Variants in CDKL3 observed in about 807,000 individuals in gnomAD.
CDKL3 encodes cyclin dependent kinase like 3.
In CDKL3, 65 loss-of-function variants were observed where a neutral mutation model predicts 69.3. That is an observed-to-expected ratio of 0.94 (90% CI 0.77 to 1.15). CDKL3 has a LOEUF of 1.15. Ranked by LOEUF, CDKL3 falls within the 50% of genes most tolerant of loss-of-function variation. The pLI is 0.00. For synonymous variants in CDKL3, 202 were observed against 221.6 expected, an observed-to-expected ratio of 0.91 and a Z score of 0.79; for missense variants, 652 against 689.2, an observed-to-expected ratio of 0.95 and a Z score of 0.61.
At position 134,308,525 on chromosome 5, in the gene CDKL3, C is replaced by A. The variant is rs374947655; in HGVS notation, c.1035+49G>T. ...TAACAGTTATTTTTGTCATTAGAGT[C>A]TAACTATAATATAATTATACTGGCT... On this transcript the variant is annotated intron_variant, in intron 8 of 12. Coordinates refer to ENST00000265334, the MANE Select transcript of CDKL3 (RefSeq NM_001113575.2). 1.8e-3 allele frequency: 2,837 copies of A among 1,549,672 alleles called. 9 individuals are homozygous for A. The highest frequency in any genetic ancestry group is 2.3e-3 in the Non-Finnish European group (2,608 of 1,152,222).
chr5:134,306,786 ACT>A (rs1340218527), intron 9 of CDKL3, 84 bp from the exon 10 acceptor site: 9 of 696,074 alleles, frequency 1.3e-5, no homozygotes, highest in Non-Finnish European at 1.5e-5. Flanking sequence ...GCAGATTCTC[ACT>A]CTGTCACCCA....
chr5:134,323,308 A>G (rs1053503650), intron 4 of CDKL3, among the ~76,000 whole-genome samples: 1 of 152,228 alleles, frequency 6.6e-6, no homozygotes, highest in Non-Finnish European at 1.5e-5. Flanking sequence ...CATGCTGTAC[A>G]CAATAAATAC....
intron 4 of CDKL3, among the ~76,000 whole-genome samples, chr5:134,326,992 T>C (rs950660123): frequency 8.6e-5 from 13 of 151,680 alleles, no homozygotes; most frequent in African/African-American, 3.1e-4. Context: ...AAGACAACTT[T>C]TTCCTTCCCC....
chr5:134,367,368 CTTTTTT>C (rs57811547), upstream of CDKL3: 706 of 778,952 alleles, frequency 9.1e-4, no homozygotes, highest in Middle Eastern at 2.5e-3. Context: ...GGATCTGCAT[CTTTTTT>C]TTTTTTTTTT....
chr5:134,336,173 C>A (rs1010837921), intron 4 of CDKL3, among the ~76,000 whole-genome samples: 2 of 152,192 alleles, frequency 1.3e-5, no homozygotes, highest in African/African-American at 4.8e-5. Flanking sequence ...TCAGCTCCAT[C>A]AGGTCATTTA....
chr5:134,371,400 T>A, upstream of CDKL3: 1 of 724,910 alleles, frequency 1.4e-6, no homozygotes, highest in Middle Eastern at 4.0e-4. Flanking sequence ...GCACTCACAC[T>A]GTGGTAGCGG....
At chr5:134,336,707 C>T (rs569383581) in intron 4 of CDKL3, among the ~76,000 whole-genome samples, 58 of 152,256 alleles carry the variant, frequency 3.8e-4, no homozygotes, top group African/African-American at 1.3e-3. Context: ...AAGTTTCGTC[C>T]CAGAGGGGCA....
chr5:134,316,927 G>C (rs757264245), intron 6 of CDKL3, among the ~76,000 whole-genome samples: 17 of 151,996 alleles, frequency 1.1e-4, no homozygotes, highest in Non-Finnish European at 2.1e-4. Flanking sequence ...ATTTTTTCTG[G>C]ATCATGTGAA....
downstream of CDKL3, among the ~76,000 whole-genome samples, chr5:134,284,325 A>G (rs980210691): frequency 1.3e-5 from 2 of 152,208 alleles, no homozygotes; most frequent in African/African-American, 4.8e-5. Flanking sequence ...CTGAGCTGCA[A>G]AACCAGCAAG....
chr5:134,350,479 G>A lies in CDKL3; in HGVS notation c.361-52C>T, dbSNP rs1752982184. The stretch of plus-strand genomic sequence containing the variant: ...CATTAAAATGAGATTTCATTATCCA[G>A]AATCTCTCAAAAATTATACTGAGAA... On this transcript the variant is annotated intron_variant, in intron 3 of 12. Transcript: ENST00000265334. The A allele has an allele frequency of 2.4e-5, 30 of 1,246,882 alleles. No homozygotes were observed. The South Asian group carries it at 4.0e-4, about 17-fold the overall frequency. The allele number at this position is 1,246,882 out of a possible 1,614,324, so 77.2% of individuals were successfully genotyped here.
intron 4 of CDKL3, among the ~76,000 whole-genome samples, chr5:134,323,924 A>G (rs1773450125): frequency 6.6e-6 from 1 of 152,218 alleles, no homozygotes; most frequent in African/African-American, 2.4e-5. Flanking sequence ...ATAAAAAGAC[A>G]AGCCACAAAC....
rs781442196 is a variant in CDKL3, at chr5:134,308,150, TG to T, written c.1351del (p.His451ThrfsTer4). The T allele has an allele frequency of 4.3e-6, 7 of 1,611,382 alleles. No homozygotes were observed. Among genetic ancestry groups the T allele is most frequent in the Non-Finnish European group, 5.9e-6 (7 of 1,178,334 alleles). On this transcript the variant is annotated frameshift_variant, in exon 9 of 13. Coordinates refer to ENST00000265334, the MANE Select transcript of CDKL3 (RefSeq NM_001113575.2). LOFTEE classifies it high-confidence loss of function. Reference protein sequence around the residue: ...MAANLSSNLFHPSVRLTERAK... With the variant: ...MAANLSSNLFXPSVRLTERAK... ...TGTTACAGCTCACCTCACACTGGGG[TG>T]AAAGAGATTTGAACTGAGATTTGCA...
upstream of CDKL3, among the ~76,000 whole-genome samples, chr5:134,369,459 A>T (rs1758104811): frequency 6.6e-6 from 1 of 152,086 alleles, no homozygotes; most frequent in African/African-American, 2.4e-5. Flanking sequence ...CATTGCCCTA[A>T]TCTTGCCCAT....
At chr5:134,362,445 G>A (rs1349310030) in intron 2 of CDKL3, among the ~76,000 whole-genome samples, 1 of 152,134 alleles carries the variant, frequency 6.6e-6, no homozygotes, top group Non-Finnish European at 1.5e-5. Flanking sequence ...CTTGAACCCG[G>A]GAGGCCGAGG....
chr5:134,336,422 T>G (rs1777124590), intron 4 of CDKL3, among the ~76,000 whole-genome samples: 1 of 152,238 alleles, frequency 6.6e-6, no homozygotes, highest in South Asian at 2.1e-4. Context: ...TTTTGGAATT[T>G]TCAGCCTTTC....
intron 8 of CDKL3, among the ~76,000 whole-genome samples, chr5:134,289,678 A>T (rs1019628559): frequency 6.6e-6 from 1 of 152,210 alleles, no homozygotes; most frequent in Admixed American, 6.5e-5. Context: ...TGTTAGGGTC[A>T]GAGGGTGACT....
Position 134,335,095 on chromosome 5 carries a change from GTTAGT to G in CDKL3, c.540-13197_540-13193del, listed in dbSNP as rs530623765. Among the ~76,000 whole-genome samples the G allele has an allele frequency of 4.8e-3, 704 of 145,834 alleles. 7 individuals carry two copies. Among genetic ancestry groups the G allele is most frequent in the African/African-American group, 0.017 (669 of 39,854 alleles). On this transcript the variant is annotated intron_variant, in intron 4 of 12. Coordinates refer to ENST00000265334, the MANE Select transcript of CDKL3 (RefSeq NM_001113575.2). ...GCCTTCTTTGTCTCTTTTCATCTTTGTTAGTTTAAAGTCTGTTTTATCAGAGACCA... is the reference window on the plus strand; with the variant it reads ...GCCTTCTTTGTCTCTTTTCATCTTTGTTAAAGTCTGTTTTATCAGAGACCA...
At chr5:134,352,263 T>A (rs985929331) in intron 3 of CDKL3, among the ~76,000 whole-genome samples, 1 of 152,180 alleles carries the variant, frequency 6.6e-6, no homozygotes, top group Non-Finnish European at 1.5e-5. Flanking sequence ...CATACTACAT[T>A]TCCTTTACGC....
intron 4 of CDKL3, among the ~76,000 whole-genome samples, chr5:134,343,539 G>A (rs1227458228): frequency 5.9e-5 from 9 of 152,188 alleles, no homozygotes; most frequent in South Asian, 2.1e-4. Flanking sequence ...TTAGCCACAA[G>A]ATTAGAAATT....
Sources: gnomAD v4.1 joint callset for allele counts (sites outside exome capture counted in the v4.1 genomes callset) on GRCh38, gnomAD v4.1.1 for gene constraint, MANE v1.5 for transcripts, NCBI Gene and HGNC (gene_info 2026-07-23, HGNC 2026-07-21) for gene names.